Variants in DYTN observed in about 807,000 individuals in gnomAD.
DYTN encodes dystrotelin.
DYTN carries 75 observed loss-of-function variants against 69.6 expected under a neutral mutation model. That is an observed-to-expected ratio of 1.08 (90% CI 0.89 to 1.31). The LOEUF (loss-of-function observed/expected upper bound fraction) is 1.31, where lower values mean the gene tolerates loss of function less well. DYTN is among the 50% of genes most tolerant of loss of function. The probability of loss-of-function intolerance (pLI) is 0.00; values close to 1 mark genes in which losing one functional copy is unlikely to be tolerated. For synonymous variants in DYTN, 252 were observed against 249.1 expected (o/e 1.01, Z -0.11); for missense variants, 726 against 688.4 (o/e 1.05, Z -0.61).
At chr2:206,669,414 A>G (rs1381869391) in intron 9 of DYTN, among the ~76,000 whole-genome samples, 3 of 152,200 alleles carry the variant, frequency 2.0e-5, no homozygotes, top group African/African-American at 7.2e-5. Context: ...TGGGCTGTCT[A>G]CAGTTTCATC....
chr2:206,678,797 G>T (rs1699718646), intron 9 of DYTN, among the ~76,000 whole-genome samples: 1 of 152,120 alleles, frequency 6.6e-6, no homozygotes, highest in South Asian at 2.1e-4. Flanking sequence ...TTTGTTCTTT[G>T]TTCTCTTTTG....
chr2:206,699,667 G>A, intron 7 of DYTN, 60 bp downstream of exon 7: 3 of 1,529,808 alleles, frequency 2.0e-6, no homozygotes, highest in Middle Eastern at 1.8e-4. Context: ...AAGGGATGCA[G>A]CTCCAACTGT....
At chr2:206,688,994 CTAGTTACTT>C (rs1699838447) in intron 9 of DYTN, among the ~76,000 whole-genome samples, 1 of 152,012 alleles carries the variant, frequency 6.6e-6, no homozygotes, top group Non-Finnish European at 1.5e-5. Flanking sequence ...GTAATTTTTG[CTAGTTACTT>C]GGGGTTTCTT....
chr2:206,712,201 C>T (rs923635610), intron 1 of DYTN, among the ~76,000 whole-genome samples: 7 of 152,120 alleles, frequency 4.6e-5, no homozygotes, highest in Non-Finnish European at 5.9e-5. Flanking sequence ...TAAGAAGTCG[C>T]CAACGTCGGA....
intron 9 of DYTN, among the ~76,000 whole-genome samples, chr2:206,690,067 C>G (rs192149228): frequency 2.6e-5 from 4 of 152,218 alleles, no homozygotes; most frequent in Admixed American, 1.3e-4. Context: ...ATTAAGTGCT[C>G]TGAAGAAAAA....
chr2:206,669,749 C>T (rs72958656), intron 9 of DYTN, among the ~76,000 whole-genome samples: 8,591 of 151,872 alleles, frequency 0.057, 337 homozygotes, highest in Admixed American at 0.13. Flanking sequence ...TTTCTTATTC[C>T]ATGAAAAAGA....
rs1306564934 is a variant in DYTN, at chr2:206,699,604, C to CA, written c.719+122dup. ...GCCTCTTGCCAGGAAATCATTGAGC[C>CA]AAAAAAGTCAACTGAATTTCAGATG... On this transcript the variant is annotated intron_variant, in intron 7 of 11. Coordinates refer to ENST00000452335, the MANE Select transcript of DYTN (RefSeq NM_001093730.1). The CA allele has an allele frequency of 2.4e-6, 3 of 1,241,986 alleles. No homozygotes were observed. In the African/African-American group the frequency reaches 4.6e-5, roughly 19 times the overall value. The allele number at this position is 1,241,986 out of a possible 1,614,324, so 76.9% of individuals were successfully genotyped here. A position where few individuals can be genotyped will look rare whatever the true frequency, so the allele number is the denominator to read the frequency against.
intron 9 of DYTN, among the ~76,000 whole-genome samples, chr2:206,676,851 G>A (rs1018286282): frequency 3.3e-5 from 5 of 151,986 alleles, no homozygotes; most frequent in Non-Finnish European, 7.4e-5. Context: ...GTATGTTTAT[G>A]GTTTCACAGG....
chr2:206,665,551 C>A (rs1262300034), intron 10 of DYTN, among the ~76,000 whole-genome samples: 2 of 151,856 alleles, frequency 1.3e-5, no homozygotes, highest in African/African-American at 4.8e-5. Context: ...GAACCAAATT[C>A]CCCTCGGGGT....
intron 9 of DYTN, among the ~76,000 whole-genome samples, chr2:206,671,595 A>C (rs16838459): frequency 6.6e-6 from 1 of 152,284 alleles, no homozygotes; most frequent in Non-Finnish European, 1.5e-5. Context: ...ACCTCTATTC[A>C]GTCTCTATAT....
At position 206,663,315 on chromosome 2, in the gene DYTN, C is replaced by A. The variant is rs143345015; in HGVS notation, c.1221G>T (p.Lys407Asn). Residue 407 changes from lysine (K) to asparagine (N), a missense_variant, in exon 11 of 12, where the codon AAG (lysine) becomes AAT (asparagine). Physicochemically the swap from Lys to Asn is moderately conservative, Grantham distance 94 (BLOSUM62 0). Transcript: ENST00000452335. ...GNKVDHSSTE[K>N]VPKGGDYLQI... ...GCAAATAATCCCCTCCCTTTGGAAC[C>A]TTTTCAGTTGAAGAATGGTCAACCT... is the stretch of plus-strand genomic sequence containing the variant. 5 of 1,613,984 alleles carry A rather than the reference C, an allele frequency of 3.1e-6. 1 individual carries two copies. The East Asian group carries it at 1.1e-4, about 36-fold the overall frequency.
At chr2:206,682,937 A>G (rs910140411) in intron 9 of DYTN, among the ~76,000 whole-genome samples, 2 of 152,164 alleles carry the variant, frequency 1.3e-5, no homozygotes, top group African/African-American at 2.4e-5. Context: ...TATAAGTTCT[A>G]TTAGCCCAAG....
intron 9 of DYTN, among the ~76,000 whole-genome samples, chr2:206,691,436 C>T (rs987902640): frequency 6.6e-6 from 1 of 151,858 alleles, no homozygotes; most frequent in African/African-American, 2.4e-5. Context: ...ATATATGGAT[C>T]TTTGTGATGT....
chr2:206,656,924 G>T (rs547265112), intron 11 of DYTN, among the ~76,000 whole-genome samples: 1 of 151,808 alleles, frequency 6.6e-6, no homozygotes, highest in Non-Finnish European at 1.5e-5. Context: ...CACCACGTCC[G>T]GCTAATTTTG....
At position 206,670,282 on chromosome 2, in the gene DYTN, G is replaced by C. The variant is rs1284070070; in HGVS notation, c.981-4253C>G. 6.6e-5 allele frequency among the ~76,000 whole-genome samples: 10 copies of C among 152,176 alleles called. No individual in the cohort carries two copies. The South Asian group carries it at 2.1e-3, about 32-fold the overall frequency. Reference sequence around the variant, plus strand: ...TCGAAAGTCAAAACTTACTTAGCCTGGTCATTTTTGTTATGCTTAACTACT... The same window carrying C: ...TCGAAAGTCAAAACTTACTTAGCCTCGTCATTTTTGTTATGCTTAACTACT... On this transcript the variant is annotated intron_variant, in intron 9 of 11. Coordinates refer to ENST00000452335, the MANE Select transcript of DYTN (RefSeq NM_001093730.1).
chr2:206,715,617 ACT>A (rs1432964008), intron 1 of DYTN, among the ~76,000 whole-genome samples: 1 of 152,136 alleles, frequency 6.6e-6, no homozygotes, highest in Non-Finnish European at 1.5e-5. Context: ...CCCCTTAAAC[ACT>A]CTCTGTAAAA....
intron 9 of DYTN, among the ~76,000 whole-genome samples, chr2:206,667,697 C>CGT (rs71410894): frequency 0.099 from 14,192 of 144,008 alleles, 804 homozygotes; most frequent in East Asian, 0.21. Flanking sequence ...TTTGCGTGTG[C>CGT]GTGTGTGTGT....
At chr2:206,683,633 C>T (rs998709894) in intron 9 of DYTN, among the ~76,000 whole-genome samples, 4 of 151,966 alleles carry the variant, frequency 2.6e-5, no homozygotes, top group African/African-American at 7.3e-5. Flanking sequence ...CATGAGCCAC[C>T]GCGCCCTGCC....
At chr2:206,695,164 A>T (rs1406408749) in intron 7 of DYTN, among the ~76,000 whole-genome samples, 3 of 152,214 alleles carry the variant, frequency 2.0e-5, no homozygotes, top group African/African-American at 7.2e-5. Flanking sequence ...AGTGCCTTCT[A>T]TATGCAGGGT....
Sources: allele counts gnomAD v4.1 joint callset (sites outside exome capture counted in the v4.1 genomes callset), GRCh38; gene constraint gnomAD v4.1.1; transcripts MANE v1.5; gene names NCBI Gene and HGNC (gene_info 2026-07-23, HGNC 2026-07-21).